Variants in LRFN2 observed in about 807,000 individuals in gnomAD.
LRFN2 encodes leucine-rich repeat and fibronectin type-III domain-containing protein 2.
LRFN2 carries 18 observed loss-of-function variants against 37.3 expected under a neutral mutation model. That is an observed-to-expected ratio of 0.48 (90% CI 0.33 to 0.72). The LOEUF (loss-of-function observed/expected upper bound fraction) is 0.72. Ranked by LOEUF, LRFN2 falls within the 30% of genes least tolerant of loss-of-function variation. The pLI is 0.02. For synonymous variants in LRFN2, 556 were observed against 466.6 expected (o/e 1.19, Z -2.47); for missense variants, 1,006 against 1,060.7 (o/e 0.95, Z 0.72).
In LRFN2 at chr6:40,453,293, A is replaced by ATTGCC. The variant is rs530888783; in HGVS notation, c.-18-20163_-18-20162insGGCAA. Among the ~76,000 whole-genome samples, 9 of 152,196 alleles carry ATTGCC rather than the reference A, an allele frequency of 5.9e-5. 1 individual carries two copies. The South Asian group carries it at 1.9e-3, about 32-fold the overall frequency. ...CAATAGGGTTGAGGGCAAAGGAGAAACTAATTGGCTGGCTTTGATATTCTC... is the reference window on the plus strand; with the variant it reads ...CAATAGGGTTGAGGGCAAAGGAGAAATTGCCCTAATTGGCTGGCTTTGATATTCTC... On this transcript the variant is annotated intron_variant, in intron 1 of 2. Transcript: ENST00000338305.
intron 1 of LRFN2, among the ~76,000 whole-genome samples, chr6:40,520,483 G>T (rs1233821355): frequency 6.6e-6 from 1 of 152,140 alleles, no homozygotes; most frequent in Non-Finnish European, 1.5e-5. Context: ...TGCAGGAGAA[G>T]CCCCCTCCCT....
intron 1 of LRFN2, among the ~76,000 whole-genome samples, chr6:40,525,359 T>G (rs1249189865): frequency 6.6e-6 from 1 of 152,238 alleles, no homozygotes; most frequent in Non-Finnish European, 1.5e-5. Flanking sequence ...AATGGTTTGC[T>G]TTCCCTATGC....
At chr6:40,579,748 A>G (rs943282418) in intron 1 of LRFN2, among the ~76,000 whole-genome samples, 1 of 152,212 alleles carries the variant, frequency 6.6e-6, no homozygotes, top group Non-Finnish European at 1.5e-5. Flanking sequence ...GTGCAAGAGA[A>G]GAAGTCAAAT....
At chr6:40,586,767 T>A (rs183847464) in intron 1 of LRFN2, among the ~76,000 whole-genome samples, 174 bp downstream of exon 1, 303 of 152,230 alleles carry the variant, frequency 2.0e-3, no homozygotes, top group Non-Finnish European at 3.0e-3. Context: ...TCTCTCGCGA[T>A]AAGGATGGGC....
At chr6:40,489,451 C>T (rs1316663467) in intron 1 of LRFN2, among the ~76,000 whole-genome samples, 1 of 152,224 alleles carries the variant, frequency 6.6e-6, no homozygotes, top group African/African-American at 2.4e-5. Context: ...AACACCCGGT[C>T]TCCAGGCTCT....
At chr6:40,471,036 G>C (rs1204298748) in intron 1 of LRFN2, among the ~76,000 whole-genome samples, 1 of 152,166 alleles carries the variant, frequency 6.6e-6, no homozygotes, top group Admixed American at 6.5e-5. Flanking sequence ...GTGTCCAGCT[G>C]GTCTGGGCCT....
intron 2 of LRFN2, among the ~76,000 whole-genome samples, chr6:40,404,924 G>C (rs1327633714): frequency 6.6e-6 from 1 of 152,162 alleles, no homozygotes; most frequent in Non-Finnish European, 1.5e-5. Context: ...CTCAGGCCTA[G>C]CTCAAGCTTA....
rs145438484 is a variant in LRFN2, at chr6:40,451,572, G to A, written c.-18-18441C>T. ...AATTATCAATCCTCAGACTTAATGA[G>A]CACCTCTCTAGTCTGGCCACGCGGC... On this transcript the variant is annotated intron_variant, in intron 1 of 2. Transcript: ENST00000338305. 3.7e-4 allele frequency among the ~76,000 whole-genome samples: 56 copies of A among 152,320 alleles called. 1 individual carries two copies. In the East Asian group the frequency reaches 0.011, roughly 29 times the overall value.
chr6:40,466,285 G>T (rs1006177333), intron 1 of LRFN2, among the ~76,000 whole-genome samples: 2 of 152,178 alleles, frequency 1.3e-5, no homozygotes, highest in African/African-American at 4.8e-5. Flanking sequence ...AAAAGCAGGA[G>T]AACCTATAAA....
At chr6:40,419,018 C>T (rs895563069) in intron 2 of LRFN2, among the ~76,000 whole-genome samples, 4 of 152,190 alleles carry the variant, frequency 2.6e-5, no homozygotes, top group Middle Eastern at 3.2e-3. Context: ...AGGCTCCACT[C>T]GGTACCTACT....
At position 40,432,679 on chromosome 6, in the gene LRFN2, C is replaced by T. The variant is rs1230767417; in HGVS notation, c.435G>A (p.Glu145=). 1 of 1,614,154 alleles carries T rather than the reference C, an allele frequency of 6.2e-7. No homozygotes were observed. The highest frequency in any genetic ancestry group is 1.7e-5 in the Admixed American group (1 of 60,028). The part of the protein sequence containing the change: ...QLGGIADEAF[E]DFLLTLEDLD... ...GATCCTCCAATGTCAGCAGGAAGTC[C>T]TCAAAAGCCTCATCTGCGATGCCGC... Residue 145 remains glutamate (E), a synonymous_variant, in exon 2 of 3, where the codon GAG becomes GAA. Coordinates refer to ENST00000338305, the MANE Select transcript of LRFN2 (RefSeq NM_020737.3).
intron 1 of LRFN2, among the ~76,000 whole-genome samples, chr6:40,489,774 A>G (rs974398779): frequency 2.6e-5 from 4 of 152,064 alleles, no homozygotes; most frequent in African/African-American, 9.7e-5. Flanking sequence ...TGGAGAGTAG[A>G]GACAAAAGAG....
At chr6:40,484,495 G>A (rs1347649348) in intron 1 of LRFN2, among the ~76,000 whole-genome samples, 1 of 152,214 alleles carries the variant, frequency 6.6e-6, no homozygotes, top group Non-Finnish European at 1.5e-5. Context: ...GGACCCCAGA[G>A]AAGAGCAGAT....
chr6:40,399,321 A>G (rs1762680573), intron 2 of LRFN2, among the ~76,000 whole-genome samples: 1 of 149,610 alleles, frequency 6.7e-6, no homozygotes, highest in Non-Finnish European at 1.5e-5. Context: ...CCTGCCCCCC[A>G]CCCACTGCTC....
Position 40,585,835 on chromosome 6 carries a change from G to A in LRFN2, c.-19+1106C>T, listed in dbSNP as rs9380969. ...CCACCTCCCTGAAACATACACATGC[G>A]TACACACACACACGCGTACACACAC... On this transcript the variant is annotated intron_variant, in intron 1 of 2. Transcript: ENST00000338305. Among the ~76,000 whole-genome samples the A allele has an allele frequency of 2.9e-4, 44 of 150,422 alleles. 1 individual carries two copies. In the East Asian group the frequency reaches 7.8e-3, roughly 27 times the overall value.
chr6:40,529,327 A>C (rs1383935200), intron 1 of LRFN2, among the ~76,000 whole-genome samples: 2 of 152,158 alleles, frequency 1.3e-5, no homozygotes, highest in Admixed American at 6.5e-5. Context: ...ACTCAGTAGG[A>C]GGTTTGGGGT....
At chr6:40,482,116 C>G (rs1290435014) in intron 1 of LRFN2, among the ~76,000 whole-genome samples, 1 of 152,144 alleles carries the variant, frequency 6.6e-6, no homozygotes, top group Non-Finnish European at 1.5e-5. Context: ...TATCCCTTTG[C>G]CCTTTGTGTT....
At chr6:40,563,487 G>T (rs1373444555) in intron 1 of LRFN2, among the ~76,000 whole-genome samples, 2 of 152,140 alleles carry the variant, frequency 1.3e-5, no homozygotes, top group Admixed American at 1.3e-4. Flanking sequence ...GACCATTAGG[G>T]AGCAGTTGTT....
At chr6:40,467,767 T>C (rs1289096930) in intron 1 of LRFN2, among the ~76,000 whole-genome samples, 1 of 152,110 alleles carries the variant, frequency 6.6e-6, no homozygotes, top group African/African-American at 2.4e-5. Flanking sequence ...ATATAGCCTG[T>C]CTTCAGGGGA....
Sources: allele counts gnomAD v4.1 joint callset (sites outside exome capture counted in the v4.1 genomes callset), GRCh38; gene constraint gnomAD v4.1.1; transcripts MANE v1.5; gene names NCBI Gene and HGNC (gene_info 2026-07-23, HGNC 2026-07-21).